The following SGPP2 variants were observed in gnomAD, a reference collection of about 807,000 sequenced individuals.
The protein encoded by SGPP2 is sphingosine-1-phosphate phosphatase 2.
A neutral mutation model predicts 33.9 loss-of-function variants in SGPP2; 30 were observed. The ratio of observed to expected loss-of-function variants is 0.89; its 90% CI spans 0.66 to 1.20. SGPP2 has a LOEUF of 1.20. SGPP2 is among the 50% of genes most tolerant of loss of function. The pLI, the probability that SGPP2 is intolerant of heterozygous loss-of-function variation, is 0.00. For synonymous variants in SGPP2, 233 were observed against 225.0 expected (o/e 1.04, Z -0.32); for missense variants, 458 against 532.1 (o/e 0.86, Z 1.37).
At chr2:222,450,030 A>G (rs1015613623) in intron 1 of SGPP2, among the ~76,000 whole-genome samples, 1 of 152,260 alleles carries the variant, frequency 6.6e-6, no homozygotes, top group Non-Finnish European at 1.5e-5. Flanking sequence ...ATTTTTGTGT[A>G]TCAACAATAA....
At chr2:222,437,773 C>T (rs1443006761) in intron 1 of SGPP2, among the ~76,000 whole-genome samples, 1 of 152,188 alleles carries the variant, frequency 6.6e-6, no homozygotes, top group Non-Finnish European at 1.5e-5. Flanking sequence ...TCTTCAGTTT[C>T]CACCAAAGCC....
chr2:222,555,620 G>A (rs12468374), intron 4 of SGPP2, among the ~76,000 whole-genome samples: 43,259 of 151,882 alleles, frequency 0.28, 7,068 homozygotes, highest in Non-Finnish European at 0.36. Context: ...GATAGGGAAT[G>A]GAGAGTTGAA....
At chr2:222,518,393 T>A (rs1340383302) in intron 2 of SGPP2, among the ~76,000 whole-genome samples, 3 of 152,234 alleles carry the variant, frequency 2.0e-5, no homozygotes, top group Non-Finnish European at 2.9e-5. Context: ...AGGTTTCCTG[T>A]TTCTGATGAT....
intron 2 of SGPP2, among the ~76,000 whole-genome samples, chr2:222,488,440 A>G (rs992199605): frequency 6.6e-6 from 1 of 152,218 alleles, no homozygotes; most frequent in African/African-American, 2.4e-5. Flanking sequence ...TGCACTCCTT[A>G]TGAGACTCTA....
chr2:222,485,428 A>G (rs1375074981), intron 2 of SGPP2, among the ~76,000 whole-genome samples: 1 of 152,200 alleles, frequency 6.6e-6, no homozygotes, highest in Non-Finnish European at 1.5e-5. Flanking sequence ...AGGCCAGAGC[A>G]TCACAGGGAC....
At chr2:222,492,409 C>T (rs1172354270) in intron 2 of SGPP2, among the ~76,000 whole-genome samples, 1 of 152,270 alleles carries the variant, frequency 6.6e-6, no homozygotes, top group African/African-American at 2.4e-5. Context: ...GTGGAAGCCA[C>T]CAAGGCTTGG....
Position 222,558,781 on chromosome 2 carries a change from G to A in SGPP2, c.1083G>A (p.Lys361=), listed in dbSNP as rs1469636806. The A allele has an allele frequency of 1.9e-6, 3 of 1,614,170 alleles. No homozygotes were observed. The highest frequency in any genetic ancestry group is 2.5e-6 in the Non-Finnish European group (3 of 1,180,048). The change falls in exon 5 of 5, where the codon AAG becomes AAA. Residue 361 remains lysine, a synonymous_variant. Transcript: ENST00000321276. ...GGTTCAAGGTGGTCACCAGGAACAA[G>A]GAGGCCAGGCGGAGACTGGAGATTG... ...YSWFKVVTRN[K]EARRRLEIEV...
At chr2:222,498,812 TTCA>T (rs1191753072) in intron 2 of SGPP2, among the ~76,000 whole-genome samples, 1 of 152,130 alleles carries the variant, frequency 6.6e-6, no homozygotes, top group African/African-American at 2.4e-5. Context: ...GAGAAGGCCT[TTCA>T]GAGGAGGTGT....
chr2:222,533,697 C>T (rs1428194860), intron 4 of SGPP2, among the ~76,000 whole-genome samples: 1 of 152,088 alleles, frequency 6.6e-6, no homozygotes. Context: ...CAGAAGCTTC[C>T]CTCACCACTC....
At position 222,559,165 on chromosome 2, in the gene SGPP2, C is replaced by G. The variant is rs1428654848; in HGVS notation, c.*267C>G. 2.9e-4 allele frequency: 26 copies of G among 89,788 alleles called. 4 individuals carry two copies. The highest frequency in any genetic ancestry group is 5.3e-4 in the African/African-American group (6 of 11,332). The allele number at this position is 89,788 out of a possible 1,614,324, so 5.6% of individuals were successfully genotyped here. ...ATCTTTAAAGGCACACACCGCGCCC[C>G]CCCCCCCCCCGCCCGGCCCCTGCTC... On this transcript the variant is annotated 3_prime_UTR_variant, in exon 5 of 5. Coordinates refer to ENST00000321276, the MANE Select transcript of SGPP2 (RefSeq NM_152386.4).
intron 1 of SGPP2, among the ~76,000 whole-genome samples, chr2:222,469,450 T>C (rs1052482988): frequency 6.6e-6 from 1 of 152,234 alleles, no homozygotes; most frequent in Admixed American, 6.5e-5. Flanking sequence ...CCCAAAGTGC[T>C]GGGATTACAG....
In SGPP2 at chr2:222,460,065, C is replaced by T. The variant is rs567017617; in HGVS notation, c.220-14503C>T. On this transcript the variant is annotated intron_variant, in intron 1 of 4. Coordinates refer to ENST00000321276, the MANE Select transcript of SGPP2 (RefSeq NM_152386.4). The surrounding 1 kb of genome is among the most constrained non-coding windows in gnomAD (Gnocchi z 4.3). ...GCAGGAATCTGAAGCGCGCGGCCCTCGGTGACGGGGCTCAGTCAAAACCCA... is the reference window on the plus strand; with the variant it reads ...GCAGGAATCTGAAGCGCGCGGCCCTTGGTGACGGGGCTCAGTCAAAACCCA... 2.6e-5 allele frequency among the ~76,000 whole-genome samples: 4 copies of T among 152,326 alleles called. No individual in the cohort carries two copies. Among genetic ancestry groups the T allele is most frequent in the East Asian group, 1.9e-4 (1 of 5,184 alleles).
intron 1 of SGPP2, chr2:222,453,060 A>G (rs546706226): frequency 6.5e-6 from 9 of 1,379,484 alleles, no homozygotes; most frequent in African/African-American, 4.3e-5. Flanking sequence ...TTGTGGCGCT[A>G]TTCTCTGCAG....
At chr2:222,529,434 A>C (rs1574880228) in intron 4 of SGPP2, among the ~76,000 whole-genome samples, 1 of 152,146 alleles carries the variant, frequency 6.6e-6, no homozygotes, top group Non-Finnish European at 1.5e-5. Context: ...TCCCGGGTTC[A>C]AGCCATTGTT....
chr2:222,506,289 C>T (rs1698444074), intron 2 of SGPP2, among the ~76,000 whole-genome samples: 1 of 152,178 alleles, frequency 6.6e-6, no homozygotes, highest in Admixed American at 6.5e-5. Context: ...ACACTGTAAA[C>T]TTTGAATAAC....
intron 1 of SGPP2, among the ~76,000 whole-genome samples, chr2:222,455,162 G>C (rs1697552735): frequency 6.6e-6 from 1 of 151,138 alleles, no homozygotes; most frequent in African/African-American, 2.4e-5. Flanking sequence ...TTGACCCCAA[G>C]AGTTCAAGAC....
In SGPP2 at chr2:222,559,418, C is replaced by G. The variant is rs535400160; in HGVS notation, c.*520C>G. On this transcript the variant is annotated 3_prime_UTR_variant, in exon 5 of 5. Transcript: ENST00000321276. ...GAAGGGGTGGCACCATATGAAACGG[C>G]ATTCCTTGGACAGGGTGACTTCCTT... 1 of 157,814 alleles carries G rather than the reference C, an allele frequency of 6.3e-6. No homozygotes were observed. Among genetic ancestry groups the G allele is most frequent in the Non-Finnish European group, 1.4e-5 (1 of 71,024 alleles). The allele number at this position is 157,814 out of a possible 1,614,324, so 9.8% of individuals were successfully genotyped here. A position where few individuals can be genotyped will look rare whatever the true frequency, so the allele number is the denominator to read the frequency against.
At chr2:222,429,180 C>T (rs1200666427) in intron 1 of SGPP2, among the ~76,000 whole-genome samples, 1 of 152,140 alleles carries the variant, frequency 6.6e-6, no homozygotes, top group East Asian at 1.9e-4. Flanking sequence ...GCTTTCAAAA[C>T]AAAACAAACA....
chr2:222,482,659 A>G (rs1698046480), intron 2 of SGPP2, among the ~76,000 whole-genome samples: 1 of 152,150 alleles, frequency 6.6e-6, no homozygotes, highest in Non-Finnish European at 1.5e-5. Context: ...GATTATAGGC[A>G]TGGGTCACCC....
Sources: gnomAD v4.1 joint callset for allele counts (sites outside exome capture counted in the v4.1 genomes callset) on GRCh38, gnomAD v4.1.1 for gene constraint, Gnocchi (gnomAD v3.1) non-coding constraint, MANE v1.5 for transcripts, NCBI Gene and HGNC (gene_info 2026-07-23, HGNC 2026-07-21) for gene names.